PATJ: variants seen among roughly 807,000 people sequenced by gnomAD.
The protein encoded by PATJ is PATJ crumbs cell polarity complex component.
Under a neutral mutation model 224.9 loss-of-function variants are expected in PATJ, and 190 were observed. The observed-to-expected ratio is 0.84, with a 90% CI of 0.75 to 0.95. The LOEUF (loss-of-function observed/expected upper bound fraction) is 0.95, where lower values mean the gene tolerates loss of function less well. Ranked by LOEUF, PATJ falls within the 40% of genes least tolerant of loss-of-function variation. The pLI is 0.00. For missense variants in PATJ, 2,121 were observed against 2,270.3 expected, an observed-to-expected ratio of 0.93 and a Z score of 1.34; for synonymous variants, 769 against 820.3, an observed-to-expected ratio of 0.94 and a Z score of 1.07.
chr1:62,069,754 T>C (rs1657076637), intron 31 of PATJ, among the ~76,000 whole-genome samples: 1 of 152,210 alleles, frequency 6.6e-6, no homozygotes, highest in Non-Finnish European at 1.5e-5. Flanking sequence ...TCACTAGGTC[T>C]GTAAATGTGC....
Position 62,148,120 on chromosome 1 carries a change from T to TAAAAAAAAAAAAAA in PATJ, c.5272-164_5272-163insAAAAAAAAAAAAAA, listed in dbSNP as rs1558235712. Among the ~76,000 whole-genome samples the TAAAAAAAAAAAAAA allele has an allele frequency of 5.0e-4, 54 of 108,474 alleles. 1 individual carries two copies. Among genetic ancestry groups the TAAAAAAAAAAAAAA allele is most frequent in the African/African-American group, 1.8e-3 (53 of 29,406 alleles). 71.2% of individuals were successfully genotyped at this position (108,474 alleles called of 152,430 possible). ...TGAGCAACAGAGTGAGACACTGTCT[T>TAAAAAAAAAAAAAA]TAAAAAAAAAAAAAAAAAAAAGTTT... On this transcript the variant is annotated intron_variant, in intron 41 of 43. Transcript: ENST00000642238.
chr1:62,087,101 G>A (rs1660102570), intron 33 of PATJ, among the ~76,000 whole-genome samples: 1 of 152,128 alleles, frequency 6.6e-6, no homozygotes, highest in Admixed American at 6.5e-5. Flanking sequence ...CCAAGCTCCT[G>A]TCCGGCGTCC....
intron 1 of PATJ, among the ~76,000 whole-genome samples, chr1:61,761,721 T>C (rs1645982835): frequency 6.6e-6 from 1 of 151,928 alleles, no homozygotes; most frequent in South Asian, 2.1e-4. Flanking sequence ...GGTCTCACTC[T>C]GTTCCCCAGG....
At chr1:61,943,584 G>T (rs922923775) in intron 27 of PATJ, among the ~76,000 whole-genome samples, 2 of 152,154 alleles carry the variant, frequency 1.3e-5, no homozygotes, top group Non-Finnish European at 2.9e-5. Flanking sequence ...TGAAGCCGCC[G>T]GGAAGCTGGA....
chr1:61,911,923 A>G (rs1364040546), intron 25 of PATJ, among the ~76,000 whole-genome samples: 1 of 149,632 alleles, frequency 6.7e-6, no homozygotes, highest in Non-Finnish European at 1.5e-5. Flanking sequence ...ATGTTAATGT[A>G]TCATTACTGC....
At position 62,084,614 on chromosome 1, in the gene PATJ, G is replaced by A. The variant is rs775472057; in HGVS notation, c.4343G>A (p.Gly1448Asp). ...ATATCCAAGGGACGTTCAGGGCTTG[G>A]TCTCAGCATTGTGGGAGGAAAAGAC... ...IEISKGRSGL[G>D]LSIVGGKDTP... The change falls in exon 33 of 44, where the codon GGT becomes GAT. Residue 1448 changes from glycine to aspartate, a missense_variant. Physicochemically the swap from Gly to Asp is moderately conservative, Grantham distance 94 (BLOSUM62 -1). Transcript: ENST00000642238. 4.0e-5 allele frequency: 64 copies of A among 1,613,204 alleles called. No individual in the cohort carries two copies. The highest frequency in any genetic ancestry group is 5.3e-5 in the Non-Finnish European group (62 of 1,179,738).
chr1:61,886,718 GC>G, intron 22 of PATJ, among the ~76,000 whole-genome samples: 1 of 151,520 alleles, frequency 6.6e-6, no homozygotes, highest in Non-Finnish European at 1.5e-5. Flanking sequence ...TACTCTGGTG[GC>G]TGAGGCAGGA....
At chr1:61,890,724 G>GACCTCAA (rs1669495964) in intron 22 of PATJ, among the ~76,000 whole-genome samples, 4 of 151,806 alleles carry the variant, frequency 2.6e-5, no homozygotes, top group African/African-American at 9.7e-5. Context: ...CTAAACTCCT[G>GACCTCAA]GCCTCAAGCA....
chr1:62,059,690 T>C (rs1476974193), intron 31 of PATJ, among the ~76,000 whole-genome samples: 1 of 151,792 alleles, frequency 6.6e-6, no homozygotes, highest in Non-Finnish European at 1.5e-5. Flanking sequence ...ATATAAAATA[T>C]AAAGAATCAG....
intron 15 of PATJ, among the ~76,000 whole-genome samples, chr1:61,826,596 T>C (rs1408688301): frequency 6.6e-6 from 1 of 152,156 alleles, no homozygotes; most frequent in Non-Finnish European, 1.5e-5. Flanking sequence ...AAATTAGAAT[T>C]ATGTAGCCAA....
intron 30 of PATJ, among the ~76,000 whole-genome samples, chr1:62,045,196 G>A (rs960531379): frequency 4.6e-5 from 7 of 151,754 alleles, no homozygotes; most frequent in African/African-American, 1.7e-4. Context: ...ACTCCAGCCT[G>A]GGCAACAACC....
intron 25 of PATJ, among the ~76,000 whole-genome samples, chr1:61,909,875 A>T (rs780324416): frequency 1.3e-5 from 2 of 152,194 alleles, no homozygotes; most frequent in Non-Finnish European, 2.9e-5. Context: ...TAATCTGCCT[A>T]TGCACAGTGA....
intron 27 of PATJ, among the ~76,000 whole-genome samples, chr1:61,962,412 G>C (rs1037743152): frequency 6.6e-6 from 1 of 152,170 alleles, no homozygotes; most frequent in African/African-American, 2.4e-5. Context: ...TTTCCTTCTT[G>C]AAATATTCAT....
At chr1:61,818,324 A>G (rs1467266841) in intron 14 of PATJ, among the ~76,000 whole-genome samples, 1 of 152,234 alleles carries the variant, frequency 6.6e-6, no homozygotes, top group Non-Finnish European at 1.5e-5. Context: ...CAGTTTAAAT[A>G]GAACCCCTCA....
At chr1:61,789,535 G>A (rs933735211) in intron 8 of PATJ, among the ~76,000 whole-genome samples, 3 of 151,534 alleles carry the variant, frequency 2.0e-5, no homozygotes, top group African/African-American at 7.3e-5. Context: ...TTCTCCAGCC[G>A]GTCTTGGTGG....
intron 21 of PATJ, among the ~76,000 whole-genome samples, chr1:61,881,009 G>A (rs904454184): frequency 6.6e-5 from 10 of 152,166 alleles, no homozygotes; most frequent in African/African-American, 1.9e-4. Context: ...CAGGAGAATC[G>A]CTTGAACCTG....
At chr1:61,883,515 T>G (rs1400834444) in intron 21 of PATJ, among the ~76,000 whole-genome samples, 1 of 152,084 alleles carries the variant, frequency 6.6e-6, no homozygotes. Flanking sequence ...TTTGGAAGGC[T>G]GAGGCAGGTG....
chr1:61,764,471 C>T (rs974439335), intron 3 of PATJ, among the ~76,000 whole-genome samples: 8 of 150,658 alleles, frequency 5.3e-5, no homozygotes, highest in African/African-American at 1.7e-4. Flanking sequence ...ATTGTTTTAA[C>T]TGTCCTCTTG....
intron 13 of PATJ, among the ~76,000 whole-genome samples, chr1:61,806,618 CAAAAA>C (rs112615750): frequency 1.3e-5 from 1 of 75,038 alleles, no homozygotes; most frequent in African/African-American, 4.9e-5. Flanking sequence ...GATTCCGCCT[CAAAAA>C]AAAAAAAAAA....
Sources: allele counts gnomAD v4.1 joint callset (sites outside exome capture counted in the v4.1 genomes callset), GRCh38; gene constraint gnomAD v4.1.1; transcripts MANE v1.5; gene names NCBI Gene and HGNC (gene_info 2026-07-23, HGNC 2026-07-21).